CFAP46: variants seen among roughly 807,000 people sequenced by gnomAD.
CFAP46 encodes cilia and flagella associated protein 46.
Under a neutral mutation model 325.7 loss-of-function variants are expected in CFAP46, and 245 were observed. The observed-to-expected ratio is 0.75, with a 90% confidence interval of 0.68 to 0.84. The LOEUF is 0.84. Ranked by LOEUF, CFAP46 falls within the 40% of genes least tolerant of loss-of-function variation. The pLI is 0.00. For synonymous variants in CFAP46, 1,523 were observed against 1,495.9 expected (o/e 1.02, Z -0.42); for missense variants, 3,346 against 3,543.0 (o/e 0.94, Z 1.41).
chr10:132,870,154 G>A (rs975718014), intron 32 of CFAP46, among the ~76,000 whole-genome samples: 1 of 152,020 alleles, frequency 6.6e-6, no homozygotes, highest in Non-Finnish European at 1.5e-5. Flanking sequence ...AATTGTTTTG[G>A]GGCACCATCA....
chr10:132,893,697 G>A (rs1334211401), intron 24 of CFAP46, among the ~76,000 whole-genome samples: 3 of 152,228 alleles, frequency 2.0e-5, no homozygotes, highest in South Asian at 2.1e-4. Context: ...AGCCATGCAC[G>A]TGATCTCTCA....
At chr10:132,882,058 G>A (rs1269793197) in intron 27 of CFAP46, among the ~76,000 whole-genome samples, 1 of 150,722 alleles carries the variant, frequency 6.6e-6, no homozygotes, top group Non-Finnish European at 1.5e-5. Flanking sequence ...GGGGTGTGTG[G>A]TGCGTGTGGG....
In CFAP46 at chr10:132,918,474, G is replaced by A; in HGVS notation, c.1905C>T (p.Ser635=). The part of the protein sequence containing the change: ...GRDGSVQDTW[S]QPEVVLQRQV... ...GCCTCTGCAGGACGACCTCAGGCTGGCTCCAGGTGTCCTGCACCGAGCCGT... is the reference window on the plus strand; with the variant it reads ...GCCTCTGCAGGACGACCTCAGGCTGACTCCAGGTGTCCTGCACCGAGCCGT... Residue 635 remains serine (S), a synonymous_variant, in exon 16 of 58, where the codon AGC becomes AGT. Coordinates refer to ENST00000368586, the MANE Select transcript of CFAP46 (RefSeq NM_001200049.3). 12 of 1,547,602 alleles carry A rather than the reference G, an allele frequency of 7.8e-6. No individual in the cohort carries two copies. Among genetic ancestry groups the A allele is most frequent in the Non-Finnish European group, 1.0e-5 (12 of 1,144,662 alleles).
At chr10:132,908,682 C>T in intron 21 of CFAP46, 48 bp from the exon 22 acceptor site, 1 of 1,482,996 alleles carries the variant, frequency 6.7e-7, no homozygotes. Flanking sequence ...CAACAACGAA[C>T]TTCCCACGGC....
intron 17 of CFAP46, among the ~76,000 whole-genome samples, chr10:132,914,064 C>CT (rs1464968415): frequency 1.4e-5 from 2 of 146,988 alleles, no homozygotes; most frequent in African/African-American, 5.1e-5. Context: ...CACCCCGGCC[C>CT]GAGGCTGTGT....
At chr10:132,818,766 T>C (rs1386685934) in intron 50 of CFAP46, among the ~76,000 whole-genome samples, 1 of 151,562 alleles carries the variant, frequency 6.6e-6, no homozygotes, top group Non-Finnish European at 1.5e-5. Context: ...GGCAGGAGAA[T>C]TGCTTGAACC....
At chr10:132,863,765 G>C (rs1848758268) in intron 35 of CFAP46, among the ~76,000 whole-genome samples, 2 of 112,394 alleles carry the variant, frequency 1.8e-5, no homozygotes, top group Non-Finnish European at 3.5e-5. Context: ...CCTGTTCTCA[G>C]TGCCTGAGAC....
At chr10:132,910,294 C>T (rs1273327946) in intron 19 of CFAP46, among the ~76,000 whole-genome samples, 2 of 152,226 alleles carry the variant, frequency 1.3e-5, no homozygotes, top group Non-Finnish European at 2.9e-5. Context: ...CAGTGCGCCC[C>T]GGCCCTCACT....
chr10:132,892,683 T>C (rs116759561), intron 24 of CFAP46, among the ~76,000 whole-genome samples: 71 of 152,348 alleles, frequency 4.7e-4, no homozygotes, highest in African/African-American at 1.7e-3. Flanking sequence ...CTTAATTCCC[T>C]TTAAAAACCC....
At chr10:132,891,753 C>T (rs1849257431) in intron 25 of CFAP46, among the ~76,000 whole-genome samples, 2 of 152,218 alleles carry the variant, frequency 1.3e-5, no homozygotes, top group African/African-American at 4.8e-5. Flanking sequence ...TCCACAACTC[C>T]TCATCTAAAC....
chr10:132,858,050 C>T (rs1042824093), intron 38 of CFAP46, among the ~76,000 whole-genome samples: 15 of 152,332 alleles, frequency 9.8e-5, no homozygotes, highest in Admixed American at 9.1e-4. Flanking sequence ...TCAGCTTTAC[C>T]CAGCGGGCTG....
chr10:132,814,134 G>A lies in CFAP46; in HGVS notation c.7388+18C>T, dbSNP rs756077768. 5 of 1,606,176 alleles carry A rather than the reference G, an allele frequency of 3.1e-6. No individual in the cohort carries two copies. The highest frequency in any genetic ancestry group is 2.2e-5 in the East Asian group (1 of 44,834). ...ACCTGCCACACTGCAAACGGCTCCTGGGAGCCCAGATCCGAACCTGGGAAA... is the reference window on the plus strand; with the variant it reads ...ACCTGCCACACTGCAAACGGCTCCTAGGAGCCCAGATCCGAACCTGGGAAA... On this transcript the variant is annotated intron_variant, in intron 54 of 57. Transcript: ENST00000368586.
intron 8 of CFAP46, among the ~76,000 whole-genome samples, chr10:132,933,379 A>T (rs763053953): frequency 1.3e-5 from 2 of 152,230 alleles, no homozygotes; most frequent in African/African-American, 2.4e-5. Context: ...ACCTCGGAAC[A>T]GGGCTATTTA....
chr10:132,869,484 T>G lies in CFAP46; in HGVS notation c.4512-112A>C. On this transcript the variant is annotated intron_variant, in intron 32 of 57. Coordinates refer to ENST00000368586, the MANE Select transcript of CFAP46 (RefSeq NM_001200049.3). This position sits in a 1 kb window ranked among gnomAD's most constrained non-coding sequence, Gnocchi z 6.2. ...GGTCAACTAACACATCGAGGCACAC[T>G]TGGATGGTATTTTCAATCATTTTTA... The G allele has an allele frequency of 1.6e-6, 1 of 636,470 alleles. No individual in the cohort carries two copies. Among genetic ancestry groups the G allele is most frequent in the Non-Finnish European group, 2.4e-6 (1 of 408,732 alleles). The allele number at this position is 636,470 out of a possible 1,614,324, so 39.4% of individuals were successfully genotyped here. A position where few individuals can be genotyped will look rare whatever the true frequency, so the allele number is the denominator to read the frequency against.
chr10:132,870,836 CA>C (rs763309902), intron 32 of CFAP46, among the ~76,000 whole-genome samples: 1,563 of 152,328 alleles, frequency 0.01, 14 homozygotes, highest in Non-Finnish European at 0.015. Flanking sequence ...CTAATAAGAG[CA>C]TGGATGGTGG....
At chr10:132,814,960 G>A in intron 50 of CFAP46, 46 bp from the exon 51 acceptor site, 1 of 1,566,340 alleles carries the variant, frequency 6.4e-7, no homozygotes, top group African/African-American at 1.4e-5. Context: ...AGCAGCTCGA[G>A]GCAGCCCTCC....
chr10:132,849,437 G>A (rs1344984030), intron 41 of CFAP46, among the ~76,000 whole-genome samples: 1 of 152,218 alleles, frequency 6.6e-6, no homozygotes, highest in Non-Finnish European at 1.5e-5. Context: ...TCCAGTCCCT[G>A]AGGGCATCTT....
chr10:132,921,102 T>A (rs1011390828), intron 13 of CFAP46, among the ~76,000 whole-genome samples: 5 of 152,134 alleles, frequency 3.3e-5, no homozygotes. Flanking sequence ...CGTCTGCCCA[T>A]CTCCTCGTCT....
intron 25 of CFAP46, among the ~76,000 whole-genome samples, chr10:132,890,663 G>GGC (rs1849241639): frequency 6.6e-6 from 1 of 151,896 alleles, no homozygotes; most frequent in African/African-American, 2.4e-5. Flanking sequence ...AGGGAGGTGG[G>GGC]TCTGAGGCTG....
Sources: gnomAD v4.1 joint callset for allele counts (sites outside exome capture counted in the v4.1 genomes callset) on GRCh38, gnomAD v4.1.1 for gene constraint, Gnocchi (gnomAD v3.1) non-coding constraint, MANE v1.5 for transcripts, NCBI Gene and HGNC (gene_info 2026-07-23, HGNC 2026-07-21) for gene names.